Variants in PRKDC observed in about 807,000 individuals in gnomAD.
The protein encoded by PRKDC is protein kinase, DNA-activated, catalytic subunit, also known as DNA-dependent protein kinase catalytic subunit.
PRKDC carries 82 observed loss-of-function variants against 486.9 expected under a neutral mutation model. That is an observed-to-expected ratio of 0.17 (90% CI 0.14 to 0.20). PRKDC has a LOEUF of 0.20. PRKDC is among the 10% of genes least tolerant of loss of function. The probability of loss-of-function intolerance (pLI) is 1.00; values close to 1 mark genes in which losing one functional copy is unlikely to be tolerated. For missense variants in PRKDC, 4,504 were observed against 5,038.2 expected, an observed-to-expected ratio of 0.89 and a Z score of 3.21; for synonymous variants, 1,895 against 1,837.0, an observed-to-expected ratio of 1.03 and a Z score of -0.81.
chr8:47,847,270 T>C (rs1257580441), intron 54 of PRKDC, among the ~76,000 whole-genome samples: 2 of 152,120 alleles, frequency 1.3e-5, no homozygotes, highest in Admixed American at 1.3e-4. Context: ...CAAAACAGCA[T>C]GGTACTGGTC....
At chr8:47,783,932 G>T in intron 77 of PRKDC, 123 bp from the exon 78 acceptor site, 1 of 977,944 alleles carries the variant, frequency 1.0e-6, no homozygotes, top group Non-Finnish European at 1.6e-6. Context: ...TTACTGAAAA[G>T]TTTTCACTTA....
intron 77 of PRKDC, chr8:47,784,098 A>T (rs1453755743): frequency 3.6e-6 from 1 of 279,242 alleles, no homozygotes; most frequent in African/African-American, 2.2e-5. Flanking sequence ...CTCTACTAAA[A>T]ATACAAAAAA....
chr8:47,927,773 G>T lies in PRKDC; in HGVS notation c.2257C>A (p.Gln753Lys), dbSNP rs1445952998. Residue 753 changes from glutamine to lysine, a missense_variant and splice_region_variant, in exon 20 of 86, where the codon CAG becomes AAG. Coordinates refer to ENST00000314191, the MANE Select transcript of PRKDC (RefSeq NM_006904.7). ...LDVRAYVPAL[Q>K]MAFKLGLSYT... ...GCTCTGTTCAAGACAACGCCTACCT[G>T]CAGTGCAGGAACGTAGGCTCTAACA... 6.5e-7 allele frequency: 1 copy of T among 1,540,140 alleles called. No individual in the cohort carries two copies. The highest frequency in any genetic ancestry group is 8.7e-7 in the Non-Finnish European group (1 of 1,149,426).
chr8:47,957,708 G>T (rs2090730290), intron 1 of PRKDC, among the ~76,000 whole-genome samples: 1 of 152,024 alleles, frequency 6.6e-6, no homozygotes, highest in East Asian at 1.9e-4. Flanking sequence ...TAGAGACGGG[G>T]TTTCACCGTG....
intron 68 of PRKDC, among the ~76,000 whole-genome samples, chr8:47,809,105 CAGGGGAGTAG>C (rs777777445): frequency 3.9e-5 from 3 of 77,574 alleles, no homozygotes; most frequent in Non-Finnish European, 4.7e-5. Flanking sequence ...GAGGGGAGTG[CAGGGGAGTAG>C]AGGGGAAGGG....
intron 59 of PRKDC, 146 bp downstream of exon 59, chr8:47,834,050 G>C: frequency 1.0e-6 from 1 of 994,810 alleles, no homozygotes. Context: ...AGCATGGTGA[G>C]TGCCTAGGCA....
intron 66 of PRKDC, among the ~76,000 whole-genome samples, chr8:47,820,368 A>G (rs183533686): frequency 6.6e-6 from 1 of 152,304 alleles, no homozygotes; most frequent in African/African-American, 2.4e-5. Flanking sequence ...CAAAAGAGAA[A>G]CTTGGTCTCA....
intron 31 of PRKDC, among the ~76,000 whole-genome samples, chr8:47,891,684 C>A (rs978492171): frequency 2.6e-5 from 4 of 152,016 alleles, no homozygotes; most frequent in African/African-American, 7.3e-5. Context: ...CGCGCCACTG[C>A]ACTCCAGCCT....
At chr8:47,839,096 T>C in intron 56 of PRKDC, 52 bp downstream of exon 56, 2 of 1,403,468 alleles carry the variant, frequency 1.4e-6, no homozygotes, top group Non-Finnish European at 2.0e-6. Context: ...TATGCTACCT[T>C]TGAAAGCAAT....
At chr8:47,888,093 G>T (rs2089375819) in intron 34 of PRKDC, among the ~76,000 whole-genome samples, 1 of 152,018 alleles carries the variant, frequency 6.6e-6, no homozygotes, top group African/African-American at 2.4e-5. Context: ...GCCTGGGTCG[G>T]TCTCAAACTT....
intron 21 of PRKDC, among the ~76,000 whole-genome samples, chr8:47,924,431 A>C (rs895521545): frequency 2.0e-5 from 3 of 152,050 alleles, no homozygotes; most frequent in African/African-American, 7.2e-5. Flanking sequence ...GTGGTGGTGC[A>C]TGCCTGTAGT....
intron 40 of PRKDC, among the ~76,000 whole-genome samples, chr8:47,872,271 A>C (rs1418319088): frequency 1.3e-5 from 2 of 152,158 alleles, no homozygotes; most frequent in Non-Finnish European, 2.9e-5. Flanking sequence ...CAAATCAAAA[A>C]TAACATACAA....
Position 47,782,052 on chromosome 8 carries a change from G to A in PRKDC, c.11489+110C>T, listed in dbSNP as rs1370398357. The A allele has an allele frequency of 2.3e-6, 2 of 884,268 alleles. No individual in the cohort carries two copies. The highest frequency in any genetic ancestry group is 2.5e-5 in the East Asian group (1 of 39,980). 54.8% of individuals were successfully genotyped at this position (884,268 alleles called of 1,614,324 possible). ...GGTTTATTGACCCAGCCAGCAGACTGCGGGGCAGGCAGTGTGGGCTCTCGA... is the reference window on the plus strand; with the variant it reads ...GGTTTATTGACCCAGCCAGCAGACTACGGGGCAGGCAGTGTGGGCTCTCGA... On this transcript the variant is annotated intron_variant, in intron 80 of 85. Transcript: ENST00000314191. This position sits in a 1 kb window ranked among gnomAD's most constrained non-coding sequence, Gnocchi z 4.9.
intron 61 of PRKDC, among the ~76,000 whole-genome samples, chr8:47,828,955 G>A (rs1237948322): frequency 2.6e-5 from 4 of 152,050 alleles, no homozygotes; most frequent in African/African-American, 4.8e-5. Context: ...CCTAACCCTC[G>A]CACACTTCAT....
At chr8:47,908,103 G>A (rs2089825828) in intron 25 of PRKDC, among the ~76,000 whole-genome samples, 1 of 152,146 alleles carries the variant, frequency 6.6e-6, no homozygotes, top group Non-Finnish European at 1.5e-5. Context: ...CACTCAATCC[G>A]AGCCCAGCTG....
At chr8:47,945,662 T>C (rs544155817) in intron 7 of PRKDC, among the ~76,000 whole-genome samples, 2 of 152,198 alleles carry the variant, frequency 1.3e-5, no homozygotes, top group African/African-American at 4.8e-5. Flanking sequence ...GGATGAACAC[T>C]TGGGTGGTTC....
chr8:47,930,817 T>C (rs775887029), intron 16 of PRKDC, 30 bp from the exon 17 acceptor site: 13 of 1,523,014 alleles, frequency 8.5e-6, no homozygotes, highest in Admixed American at 6.8e-5. Flanking sequence ...AAAGAAACAT[T>C]GTACCATTCA....
rs936720689 is a variant in PRKDC, at chr8:47,830,862, A to G, written c.8266-126T>C. ...CGAAGTGGTGGGAACTGATGCTCGC[A>G]GAGGCTCAGTCGCCGTACTTTACCG... On this transcript the variant is annotated intron_variant, in intron 60 of 85. Transcript: ENST00000314191. 15 of 1,166,828 alleles carry G rather than the reference A, an allele frequency of 1.3e-5. No homozygotes were observed. The African/African-American group carries it at 2.3e-4, about 18-fold the overall frequency. 72.3% of individuals were successfully genotyped at this position (1,166,828 alleles called of 1,614,324 possible).
At chr8:47,778,687 T>C (rs2086649260) in intron 82 of PRKDC, 27 bp from the exon 83 acceptor site, 1 of 1,613,214 alleles carries the variant, frequency 6.2e-7, no homozygotes, top group Non-Finnish European at 8.5e-7. Flanking sequence ...GCTGTGCGGC[T>C]GCTGTGATCC....
Sources: gnomAD v4.1 joint callset for allele counts (sites outside exome capture counted in the v4.1 genomes callset) on GRCh38, gnomAD v4.1.1 for gene constraint, Gnocchi (gnomAD v3.1) non-coding constraint, MANE v1.5 for transcripts, NCBI Gene and HGNC (gene_info 2026-07-23, HGNC 2026-07-21) for gene names.